Variants in TRAPPC12 observed in about 807,000 individuals in gnomAD.
TRAPPC12 encodes trafficking protein particle complex subunit 12.
TRAPPC12 carries 61 observed loss-of-function variants against 69.2 expected under a neutral mutation model. The ratio of observed to expected loss-of-function variants is 0.88; its 90% CI spans 0.72 to 1.09. The LOEUF is 1.09. TRAPPC12 is among the 50% of genes least tolerant of loss of function. The pLI is 0.00. For missense variants in TRAPPC12, 1,101 were observed against 1,016.4 expected (o/e 1.08, Z -1.13); for synonymous variants, 469 against 438.9 (o/e 1.07, Z -0.86).
rs1666457736 is a variant in TRAPPC12, at chr2:3,479,554, ACTC to A, written c.*96_*98del. The A allele has an allele frequency of 2.7e-6, 4 of 1,480,440 alleles. No homozygotes were observed. The highest frequency in any genetic ancestry group is 1.9e-4 in the Middle Eastern group (1 of 5,264). 91.7% of individuals were successfully genotyped at this position (1,480,440 alleles called of 1,614,324 possible). ...ATGTGACATGGAGGAACTCAATAAA[ACTC>A]CTGCTTCACTGGTGTCTGCTGCGTG... On this transcript the variant is annotated 3_prime_UTR_variant, in exon 12 of 12. Transcript: ENST00000324266.
intron 6 of TRAPPC12, among the ~76,000 whole-genome samples, chr2:3,448,174 C>T (rs776463748): frequency 3.3e-5 from 5 of 152,196 alleles, no homozygotes; most frequent in Admixed American, 6.5e-5. Flanking sequence ...AGGAAAGTGG[C>T]CTCAGGGAGG....
chr2:3,400,739 G>T (rs1401308672), intron 2 of TRAPPC12, among the ~76,000 whole-genome samples: 1 of 152,138 alleles, frequency 6.6e-6, no homozygotes, highest in Non-Finnish European at 1.5e-5. Context: ...CTGCACTGTT[G>T]GGATGACTAG....
intron 6 of TRAPPC12, chr2:3,454,834 G>A (rs1035948343): frequency 3.9e-5 from 6 of 152,308 alleles, no homozygotes; most frequent in Admixed American, 2.6e-4. Context: ...CAGGCCTTGC[G>A]TGCTCACTAC....
intron 2 of TRAPPC12, among the ~76,000 whole-genome samples, chr2:3,394,515 C>CG (rs1025649468): frequency 2.0e-5 from 3 of 151,756 alleles, no homozygotes; most frequent in African/African-American, 7.3e-5. Flanking sequence ...CAGCTACTTG[C>CG]GAGGCTGAGG....
intron 5 of TRAPPC12, among the ~76,000 whole-genome samples, chr2:3,431,213 G>C (rs1214010119): frequency 1.3e-5 from 2 of 152,224 alleles, no homozygotes; most frequent in Non-Finnish European, 2.9e-5. Flanking sequence ...GAGTACAGTG[G>C]GATGCACTTA....
intron 6 of TRAPPC12, among the ~76,000 whole-genome samples, chr2:3,457,416 C>A (rs1182728426): frequency 6.6e-6 from 1 of 152,168 alleles, no homozygotes. Flanking sequence ...AACCTGCACA[C>A]ATACCTCCTG....
chr2:3,475,534 A>AT (rs1390791215), intron 9 of TRAPPC12, among the ~76,000 whole-genome samples: 1 of 151,448 alleles, frequency 6.6e-6, no homozygotes, highest in Non-Finnish European at 1.5e-5. Context: ...AATCGGTAGG[A>AT]TTTTGTATCC....
intron 5 of TRAPPC12, among the ~76,000 whole-genome samples, chr2:3,438,462 T>C (rs1572161879): frequency 2.1e-5 from 2 of 94,092 alleles, no homozygotes; most frequent in African/African-American, 8.5e-5. Context: ...CCATCACCCC[T>C]GGATTAATAC....
At chr2:3,395,308 A>G (rs1202546512) in intron 2 of TRAPPC12, among the ~76,000 whole-genome samples, 1 of 152,260 alleles carries the variant, frequency 6.6e-6, no homozygotes, top group African/African-American at 2.4e-5. Context: ...GCATCTCTTC[A>G]AACGTTTTCT....
intron 1 of TRAPPC12, among the ~76,000 whole-genome samples, chr2:3,381,432 T>A (rs1396222785): frequency 2.6e-5 from 4 of 152,194 alleles, no homozygotes; most frequent in African/African-American, 7.2e-5. Context: ...TTTAAAAAAA[T>A]TTTAAACAAT....
At chr2:3,401,608 T>A (rs1377330003) in intron 2 of TRAPPC12, among the ~76,000 whole-genome samples, 169 bp from the exon 3 acceptor site, 1 of 152,266 alleles carries the variant, frequency 6.6e-6, no homozygotes, top group South Asian at 2.1e-4. Flanking sequence ...TATTAACGAT[T>A]GTGCTAATTT....
chr2:3,417,213 C>T (rs1212628238), intron 3 of TRAPPC12, among the ~76,000 whole-genome samples: 2 of 152,140 alleles, frequency 1.3e-5, no homozygotes, highest in African/African-American at 4.8e-5. Flanking sequence ...CCATGTCCGG[C>T]CTGCCCTGGG....
At chr2:3,455,483 C>T (rs1426441372) in intron 6 of TRAPPC12, 1 of 152,008 alleles carries the variant, frequency 6.6e-6, no homozygotes, top group African/African-American at 2.4e-5. Flanking sequence ...GTACCCATTA[C>T]CATCCCCACT....
At chr2:3,433,561 G>A (rs538656526) in intron 5 of TRAPPC12, among the ~76,000 whole-genome samples, 1 of 152,312 alleles carries the variant, frequency 6.6e-6, no homozygotes, top group African/African-American at 2.4e-5. Context: ...AGTGGCGGAA[G>A]GTAGCATACC....
chr2:3,401,541 TAA>T (rs1180804213), intron 2 of TRAPPC12, among the ~76,000 whole-genome samples: 2 of 152,238 alleles, frequency 1.3e-5, no homozygotes, highest in East Asian at 3.8e-4. Context: ...CAGTGGTGAA[TAA>T]AGATATAATT....
rs1165237769 is a variant in TRAPPC12 at position 3,387,958 on chromosome 2, GCGAGGCCGACGGCGACTGTGCCCC to G, written c.341_364del (p.Ala114_Glu121del). On this transcript the variant is annotated inframe_deletion, in exon 2 of 12. Coordinates refer to ENST00000324266, the MANE Select transcript of TRAPPC12 (RefSeq NM_016030.6). The stretch of plus-strand genomic sequence containing the variant: ...CCCGCGGGCACCCCGAGTCCCAGCG[GCGAGGCCGACGGCGACTGTGCCCC>G]CGAGGACGCGGCACCCAGTAGCGGA... 3.4e-6 allele frequency: 5 copies of G among 1,485,518 alleles called. 1 individual carries two copies. The highest frequency in any genetic ancestry group is 2.6e-5 in the South Asian group (2 of 76,314). 92.0% of individuals were successfully genotyped at this position (1,485,518 alleles called of 1,614,324 possible).
In TRAPPC12 at chr2:3,388,097, G is replaced by A. The variant is rs1254265651; in HGVS notation, c.474G>A (p.Pro158=). 8 of 1,555,180 alleles carry A rather than the reference G, an allele frequency of 5.1e-6. No homozygotes were observed. Among genetic ancestry groups the A allele is most frequent in the East Asian group, 2.4e-5 (1 of 41,474 alleles). Residue 158 remains proline, a synonymous_variant, in exon 2 of 12, where the codon CCG becomes CCA. Coordinates refer to ENST00000324266, the MANE Select transcript of TRAPPC12 (RefSeq NM_016030.6). ...AGCCTCCCGTTGCGGAGCCGGTCCC[G>A]GTGTGCACCATCTTCAGCCAGCGCG... ...EQEPPVAEPV[P]VCTIFSQRAP...
intron 7 of TRAPPC12, 123 bp from the exon 8 acceptor site, chr2:3,460,140 A>G: frequency 3.9e-6 from 3 of 765,750 alleles, no homozygotes; most frequent in South Asian, 1.5e-5. Flanking sequence ...CCAGGCCGAA[A>G]TCCAGTGGTG....
rs184178751 is a variant in TRAPPC12, at chr2:3,396,790, A to G, written c.1048-4987A>G. Reference sequence around the variant, plus strand: ...GAATTTTTATTTGGTTCTTTTTCGTATCATTTTTCTTTTATCATTTTCAAG... The same window carrying G: ...GAATTTTTATTTGGTTCTTTTTCGTGTCATTTTTCTTTTATCATTTTCAAG... On this transcript the variant is annotated intron_variant, in intron 2 of 11. Transcript: ENST00000324266. Among the ~76,000 whole-genome samples the G allele has an allele frequency of 2.2e-4, 34 of 151,998 alleles. No homozygotes were observed. In the Middle Eastern group the frequency reaches 0.01, roughly 46 times the overall value.
Sources: allele counts gnomAD v4.1 joint callset (sites outside exome capture counted in the v4.1 genomes callset), GRCh38; gene constraint gnomAD v4.1.1; transcripts MANE v1.5; gene names NCBI Gene and HGNC (gene_info 2026-07-23, HGNC 2026-07-21).